SIPA1L3: variants seen among roughly 807,000 people sequenced by gnomAD.
SIPA1L3 encodes signal induced proliferation associated 1 like 3.
SIPA1L3 carries 59 observed loss-of-function variants against 150.1 expected under a neutral mutation model. The ratio of observed to expected loss-of-function variants is 0.39; its 90% CI spans 0.32 to 0.49. SIPA1L3 has a LOEUF of 0.49. Among genes scored for constraint, SIPA1L3 ranks in the 20% least tolerant of loss-of-function variants. The pLI is 0.86. For missense variants in SIPA1L3, 2,211 were observed against 2,489.5 expected, an observed-to-expected ratio of 0.89 and a Z score of 2.38; for synonymous variants, 1,070 against 1,077.6, an observed-to-expected ratio of 0.99 and a Z score of 0.14.
intron 15 of SIPA1L3, among the ~76,000 whole-genome samples, chr19:38,165,542 A>G (rs1161043620): frequency 1.3e-5 from 2 of 152,204 alleles, no homozygotes; most frequent in African/African-American, 4.8e-5. Context: ...CTATGGAGAA[A>G]GCAAACACTT....
chr19:38,195,526 C>T (rs1022170699), intron 18 of SIPA1L3, among the ~76,000 whole-genome samples: 9 of 152,186 alleles, frequency 5.9e-5, no homozygotes, highest in African/African-American at 2.2e-4. Context: ...CTCCACGTCT[C>T]CTTCCTCGGC....
intron 1 of SIPA1L3, among the ~76,000 whole-genome samples, chr19:37,914,828 A>T (rs1203975811): frequency 6.6e-6 from 1 of 152,186 alleles, no homozygotes; most frequent in Non-Finnish European, 1.5e-5. Context: ...AATAATAATA[A>T]TGATAGCAGC....
intron 1 of SIPA1L3, among the ~76,000 whole-genome samples, chr19:38,010,296 C>A (rs1347547887): frequency 6.6e-6 from 1 of 151,842 alleles, no homozygotes; most frequent in African/African-American, 2.4e-5. Flanking sequence ...TAACCCCAGC[C>A]CTTTAGGAGG....
chr19:38,049,945 G>T (rs1242397203), intron 2 of SIPA1L3, among the ~76,000 whole-genome samples: 3 of 152,030 alleles, frequency 2.0e-5, no homozygotes, highest in Non-Finnish European at 2.9e-5. Flanking sequence ...CCTAATTCAG[G>T]CTCCCCTTTC....
chr19:37,916,660 G>A (rs1482986513), intron 1 of SIPA1L3, among the ~76,000 whole-genome samples: 2 of 151,974 alleles, frequency 1.3e-5, no homozygotes, highest in African/African-American at 4.8e-5. Flanking sequence ...AGTGCTGTCT[G>A]TTAGAAATAT....
chr19:38,205,666 AAGGG>A (rs1973194235), intron 21 of SIPA1L3, among the ~76,000 whole-genome samples: 1 of 152,106 alleles, frequency 6.6e-6, no homozygotes, highest in Non-Finnish European at 1.5e-5. Flanking sequence ...CTCCTGGAAG[AAGGG>A]GGTCTGCTCA....
intron 1 of SIPA1L3, among the ~76,000 whole-genome samples, chr19:37,946,456 A>G (rs2046713082): frequency 6.6e-6 from 1 of 152,202 alleles, no homozygotes; most frequent in Admixed American, 6.5e-5. Flanking sequence ...AATCTTTGCT[A>G]TTTGGGTAAC....
chr19:37,989,812 G>T (rs1488406937), intron 1 of SIPA1L3, among the ~76,000 whole-genome samples: 1 of 152,012 alleles, frequency 6.6e-6, no homozygotes, highest in Non-Finnish European at 1.5e-5. Context: ...TGGGATTGCA[G>T]ACGTGAGCCA....
intron 1 of SIPA1L3, among the ~76,000 whole-genome samples, chr19:37,930,223 G>A (rs1178719831): frequency 1.3e-5 from 2 of 151,736 alleles, no homozygotes. Flanking sequence ...GGGTTTCACT[G>A]TGTTAGTCTC....
intron 1 of SIPA1L3, among the ~76,000 whole-genome samples, chr19:37,925,128 GTTTA>G (rs1274912151): frequency 1.3e-5 from 2 of 152,094 alleles, no homozygotes; most frequent in African/African-American, 4.8e-5. Flanking sequence ...AGCACAGTAG[GTTTA>G]TTTACACCAA....
At chr19:37,974,571 G>C (rs1224969027) in intron 1 of SIPA1L3, among the ~76,000 whole-genome samples, 1 of 152,104 alleles carries the variant, frequency 6.6e-6, no homozygotes, top group Non-Finnish European at 1.5e-5. Flanking sequence ...CAGAGAGTCT[G>C]GTTCTAGCCG....
intron 1 of SIPA1L3, among the ~76,000 whole-genome samples, chr19:37,936,702 G>T (rs2046603829): frequency 6.6e-6 from 1 of 152,224 alleles, no homozygotes; most frequent in Non-Finnish European, 1.5e-5. Context: ...TATTTCCTCT[G>T]ACAAGGGCAT....
At chr19:38,160,052 C>T (rs372740349) in intron 13 of SIPA1L3, among the ~76,000 whole-genome samples, 1 of 152,036 alleles carries the variant, frequency 6.6e-6, no homozygotes, top group East Asian at 1.9e-4. Flanking sequence ...TGCTCTGTTG[C>T]CCAGGATGGA....
chr19:37,912,806 C>G (rs1202687352), intron 1 of SIPA1L3, among the ~76,000 whole-genome samples: 1 of 152,204 alleles, frequency 6.6e-6, no homozygotes, highest in African/African-American at 2.4e-5. Flanking sequence ...AACTCAATCA[C>G]TTGAAACACC....
chr19:38,060,520 G>A (rs938011095), intron 2 of SIPA1L3, among the ~76,000 whole-genome samples: 1 of 152,238 alleles, frequency 6.6e-6, no homozygotes, highest in African/African-American at 2.4e-5. Context: ...ACTTTGGACA[G>A]TTTGGGAGCC....
At chr19:38,127,985 A>G (rs1053397628) in intron 9 of SIPA1L3, among the ~76,000 whole-genome samples, 9 of 150,056 alleles carry the variant, frequency 6.0e-5, no homozygotes, top group African/African-American at 2.0e-4. Context: ...GCCCCTTTCA[A>G]CTTCACGGAT....
chr19:37,967,246 T>C (rs564748790), intron 1 of SIPA1L3, among the ~76,000 whole-genome samples: 1 of 149,854 alleles, frequency 6.7e-6, no homozygotes, highest in South Asian at 2.1e-4. Context: ...ATGTGGAAGT[T>C]CCCCCCCACC....
intron 1 of SIPA1L3, among the ~76,000 whole-genome samples, chr19:37,990,968 C>G (rs1228063996): frequency 2.6e-5 from 4 of 152,156 alleles, no homozygotes; most frequent in Non-Finnish European, 5.9e-5. Flanking sequence ...CACGGTGGCT[C>G]ACGCTTGTAA....
intron 2 of SIPA1L3, among the ~76,000 whole-genome samples, chr19:38,040,656 C>A (rs764184000): frequency 2.5e-4 from 38 of 152,118 alleles, no homozygotes; most frequent in Admixed American, 5.9e-4. Flanking sequence ...TATTACACAT[C>A]CTTTTTTTAA....
Sources: allele counts gnomAD v4.1 joint callset (sites outside exome capture counted in the v4.1 genomes callset), GRCh38; gene constraint gnomAD v4.1.1; transcripts MANE v1.5; gene names NCBI Gene and HGNC (gene_info 2026-07-23, HGNC 2026-07-21).